The following GEMIN2 variants were observed in gnomAD, a reference collection of about 807,000 sequenced individuals.
GEMIN2 encodes gem-associated protein 2.
Under a neutral mutation model 45.8 loss-of-function variants are expected in GEMIN2, and 37 were observed. The observed-to-expected ratio is 0.81, with a 90% CI of 0.62 to 1.06. The LOEUF is 1.06. GEMIN2 is among the 50% of genes least tolerant of loss of function. GEMIN2 has a pLI of 0.00. For synonymous variants in GEMIN2, 101 were observed against 111.5 expected (o/e 0.91, Z 0.60); for missense variants, 335 against 321.8 (o/e 1.04, Z -0.31).
intron 5 of GEMIN2, 139 bp downstream of exon 5, chr14:39,122,682 AGGT>A: frequency 2.1e-6 from 1 of 482,492 alleles, no homozygotes; most frequent in Non-Finnish European, 3.7e-6. Context: ...GATTGTTTTT[AGGT>A]TTTGAAAGAG....
intron 2 of GEMIN2, among the ~76,000 whole-genome samples, chr14:39,117,758 A>G (rs1277004703): frequency 6.6e-6 from 1 of 152,234 alleles, no homozygotes; most frequent in Admixed American, 6.5e-5. Context: ...AACTCCAACT[A>G]TAAACCTTTC....
intron 7 of GEMIN2, among the ~76,000 whole-genome samples, chr14:39,131,126 G>A (rs151319494): frequency 2.0e-5 from 3 of 151,766 alleles, no homozygotes; most frequent in Non-Finnish European, 2.9e-5. Context: ...GGTGAAACCC[G>A]GTCTCTATTA....
At chr14:39,116,416 T>C (rs1229650628) in intron 2 of GEMIN2, among the ~76,000 whole-genome samples, 3 of 149,024 alleles carry the variant, frequency 2.0e-5, no homozygotes, top group African/African-American at 2.5e-5. Context: ...TTTTCTTTTT[T>C]TTTTTTTTTT....
At chr14:39,122,738 C>T (rs929633958) in intron 5 of GEMIN2, 195 bp downstream of exon 5, 35 of 397,662 alleles carry the variant, frequency 8.8e-5, no homozygotes, top group African/African-American at 6.2e-4. Context: ...TTTATGTGGC[C>T]TGCAAAGCCT....
chr14:39,123,708 A>ATATATATATATT (rs1555333787), intron 5 of GEMIN2, among the ~76,000 whole-genome samples: 28 of 37,688 alleles, frequency 7.4e-4, no homozygotes, highest in South Asian at 3.9e-3. Context: ...ATATATATAT[A>ATATATATATATT]TTTTTTTTTT....
chr14:39,123,709 T>TATATATATG (rs60209051), intron 5 of GEMIN2, among the ~76,000 whole-genome samples: 1 of 28,992 alleles, frequency 3.4e-5, no homozygotes, highest in African/African-American at 1.7e-4. Flanking sequence ...TATATATATA[T>TATATATATG]TTTTTTTTTT....
intron 5 of GEMIN2, 62 bp from the exon 6 acceptor site, chr14:39,124,930 G>T (rs1221565432): frequency 2.9e-6 from 2 of 677,986 alleles, no homozygotes; most frequent in South Asian, 1.9e-5. Flanking sequence ...TCACCAGTTT[G>T]AAAAAAAAAA....
At chr14:39,129,742 A>G (rs113688279) in intron 7 of GEMIN2, among the ~76,000 whole-genome samples, 10,428 of 150,624 alleles carry the variant, frequency 0.069, 1,201 homozygotes, top group African/African-American at 0.24. Context: ...ATATTTGTAT[A>G]TGTGTGTGTG....
intron 4 of GEMIN2, among the ~76,000 whole-genome samples, chr14:39,120,564 G>C (rs969187436): frequency 6.6e-6 from 1 of 152,210 alleles, no homozygotes; most frequent in Non-Finnish European, 1.5e-5. Context: ...CTTATTCCAA[G>C]ACAATAGGGT....
At chr14:39,128,201 A>T (rs568162748) in intron 6 of GEMIN2, 79 bp from the exon 7 acceptor site, 2 of 817,304 alleles carry the variant, frequency 2.4e-6, no homozygotes, top group East Asian at 5.0e-5. Context: ...TGCTTTCTAA[A>T]TAAACTTAAT....
chr14:39,128,373 A>G (rs1028394434), intron 7 of GEMIN2, 25 bp downstream of exon 7: 15 of 1,329,044 alleles, frequency 1.1e-5, no homozygotes, highest in Non-Finnish European at 1.4e-5. Context: ...TTTTCTTTTC[A>G]TAATGTAGGC....
At chr14:39,127,093 T>TTC (rs2139348455) in intron 6 of GEMIN2, among the ~76,000 whole-genome samples, 1 of 148,946 alleles carries the variant, frequency 6.7e-6, no homozygotes, top group East Asian at 2.0e-4. Context: ...AATACATCTT[T>TTC]TTTTTTTTTT....
chr14:39,116,620 G>GTT (rs2052511078), intron 2 of GEMIN2, among the ~76,000 whole-genome samples: 1 of 3,674 alleles, frequency 2.7e-4, no homozygotes. Context: ...GCTCAAAGTA[G>GTT]TTTCTCTGAT....
At position 39,133,735 on chromosome 14, in the gene GEMIN2, G is replaced by A; in HGVS notation, c.770+16G>A. On this transcript the variant is annotated intron_variant, in intron 9 of 9. Coordinates refer to ENST00000308317, the MANE Select transcript of GEMIN2 (RefSeq NM_003616.3). ...TGGTTAGCAGGTATAGTTAATCCTT[G>A]GCTTCTTTATTATTTATCAGTGAGG... 7.1e-7 allele frequency: 1 copy of A among 1,411,416 alleles called. No homozygotes were observed. The highest frequency in any genetic ancestry group is 9.7e-7 in the Non-Finnish European group (1 of 1,027,362). The allele number at this position is 1,411,416 out of a possible 1,614,324, so 87.4% of individuals were successfully genotyped here.
chr14:39,128,425 A>G (rs555377783), intron 7 of GEMIN2, 77 bp downstream of exon 7: 21 of 727,046 alleles, frequency 2.9e-5, no homozygotes, highest in East Asian at 2.3e-4. Context: ...CACATATACA[A>G]TGGTGCTCCT....
At chr14:39,127,054 G>A (rs946275108) in intron 6 of GEMIN2, among the ~76,000 whole-genome samples, 3 of 150,494 alleles carry the variant, frequency 2.0e-5, no homozygotes, top group South Asian at 2.1e-4. Context: ...TGAGCCCACC[G>A]CGCCTGGCCA....
At chr14:39,116,537 C>T (rs2052509706) in intron 2 of GEMIN2, among the ~76,000 whole-genome samples, 1 of 152,070 alleles carries the variant, frequency 6.6e-6, no homozygotes, top group South Asian at 2.1e-4. Flanking sequence ...CTGCCTCAGC[C>T]TCCCGAGTAG....
chr14:39,131,822 T>C (rs1317660291), intron 7 of GEMIN2, 136 bp from the exon 8 acceptor site: 1 of 565,838 alleles, frequency 1.8e-6, no homozygotes, highest in East Asian at 2.9e-5. Context: ...CTTTCTTGTC[T>C]ATACCCAAAC....
At chr14:39,118,893 G>A (rs1456003021) in intron 4 of GEMIN2, among the ~76,000 whole-genome samples, 2 of 149,282 alleles carry the variant, frequency 1.3e-5, no homozygotes, top group Admixed American at 6.8e-5. Context: ...TCCCACCACC[G>A]CCTTCCAAGT....
Sources: allele counts gnomAD v4.1 joint callset (sites outside exome capture counted in the v4.1 genomes callset), GRCh38; gene constraint gnomAD v4.1.1; transcripts MANE v1.5; gene names NCBI Gene and HGNC (gene_info 2026-07-23, HGNC 2026-07-21).